Variants in WDR64 observed in about 807,000 individuals in gnomAD.
WDR64 encodes the protein WD repeat domain 64.
A neutral mutation model predicts 139.3 loss-of-function variants in WDR64; 112 were observed. The ratio of observed to expected loss-of-function variants is 0.80; its 90% CI spans 0.69 to 0.94. The LOEUF (loss-of-function observed/expected upper bound fraction) is 0.94. Among genes scored for constraint, WDR64 ranks in the 40% least tolerant of loss-of-function variants. The pLI is 0.00. For synonymous variants in WDR64, 444 were observed against 437.7 expected, an observed-to-expected ratio of 1.01 and a Z score of -0.18; for missense variants, 1,206 against 1,293.1, an observed-to-expected ratio of 0.93 and a Z score of 1.03.
chr1:241,747,571 T>C (rs1300203269), intron 13 of WDR64, among the ~76,000 whole-genome samples: 2 of 152,194 alleles, frequency 1.3e-5, no homozygotes, highest in East Asian at 3.8e-4. Context: ...TCAAATGTCG[T>C]GTATCAGATT....
intron 25 of WDR64, among the ~76,000 whole-genome samples, chr1:241,794,325 T>C (rs1215749837): frequency 6.6e-6 from 1 of 152,110 alleles, no homozygotes; most frequent in Non-Finnish European, 1.5e-5. Context: ...ACTAAAATAG[T>C]ACAACCTAGA....
At chr1:241,755,955 G>T (rs2148274184) in intron 14 of WDR64, among the ~76,000 whole-genome samples, 1 of 152,276 alleles carries the variant, frequency 6.6e-6, no homozygotes, top group Non-Finnish European at 1.5e-5. Flanking sequence ...TGCTGTTTTA[G>T]TTACTGTAGC....
At chr1:241,726,461 G>A (rs1240770134) in intron 10 of WDR64, among the ~76,000 whole-genome samples, 1 of 151,962 alleles carries the variant, frequency 6.6e-6, no homozygotes, top group East Asian at 1.9e-4. Context: ...AAAACTCACA[G>A]AACCTTACAC....
At chr1:241,790,792 T>C in intron 25 of WDR64, 96 bp downstream of exon 25, 2 of 886,452 alleles carry the variant, frequency 2.3e-6, no homozygotes, top group Non-Finnish European at 3.4e-6. Context: ...ATATAACATA[T>C]TAATTTTTTA....
At chr1:241,751,522 C>A (rs1025992663) in intron 14 of WDR64, among the ~76,000 whole-genome samples, 1 of 152,180 alleles carries the variant, frequency 6.6e-6, no homozygotes, top group Non-Finnish European at 1.5e-5. Context: ...AAGCCAAAAC[C>A]TGCTTCAGTG....
intron 6 of WDR64, among the ~76,000 whole-genome samples, chr1:241,680,468 T>A (rs1033116377): frequency 4.6e-5 from 7 of 152,188 alleles, no homozygotes; most frequent in Admixed American, 4.6e-4. Flanking sequence ...AACTCCAAGA[T>A]CCTGAACTTT....
At chr1:241,784,305 A>T (rs1275927547) in intron 23 of WDR64, among the ~76,000 whole-genome samples, 2 of 152,196 alleles carry the variant, frequency 1.3e-5, no homozygotes, top group Admixed American at 6.5e-5. Context: ...GCAGGGCAGC[A>T]AAAGTGGGAG....
chr1:241,769,562 T>C, intron 17 of WDR64, 57 bp downstream of exon 17: 1 of 1,419,556 alleles, frequency 7.0e-7, no homozygotes, highest in Non-Finnish European at 9.7e-7. Context: ...GGCTGATACA[T>C]TAGGTTGATG....
chr1:241,663,347 T>C (rs1189420955), intron 2 of WDR64, among the ~76,000 whole-genome samples: 1 of 152,176 alleles, frequency 6.6e-6, no homozygotes, highest in Non-Finnish European at 1.5e-5. Context: ...CCATCTTACA[T>C]CATGAGGGGC....
intron 15 of WDR64, among the ~76,000 whole-genome samples, chr1:241,764,448 T>C (rs536755263): frequency 1.1e-4 from 16 of 152,058 alleles, no homozygotes; most frequent in African/African-American, 3.9e-4. Context: ...AGGCCAGGAG[T>C]TCGAGGCCAG....
At chr1:241,738,244 A>G in intron 10 of WDR64, 119 bp from the exon 11 acceptor site, 1 of 1,255,146 alleles carries the variant, frequency 8.0e-7, no homozygotes, top group Non-Finnish European at 1.1e-6. Context: ...TTATCATATA[A>G]GTAATACTTT....
In WDR64 at chr1:241,741,597, T is replaced by C; in HGVS notation, c.1403T>C (p.Ile468Thr). 1 of 1,613,596 alleles carries C rather than the reference T, an allele frequency of 6.2e-7. No homozygotes were observed. The highest frequency in any genetic ancestry group is 8.5e-7 in the Non-Finnish European group (1 of 1,179,884). Residue 468 changes from isoleucine to threonine, a missense_variant, in exon 12 of 28, where the codon ATC (isoleucine) becomes ACC (threonine). Physicochemically the swap from Ile to Thr is moderately conservative, Grantham distance 89. Transcript: ENST00000437684. Reference sequence around the variant, plus strand: ...GTTCCTCACACTCATGAACGAGAAATCAATGTCATGCTTTACAACAAATAT... The same window carrying C: ...GTTCCTCACACTCATGAACGAGAAACCAATGTCATGCTTTACAACAAATAT... ...KQVPHTHERE[I>T]NVMLYNKYFH... is the part of the protein sequence containing the mutation.
At chr1:241,705,562 T>TA (rs370613376) in intron 8 of WDR64, among the ~76,000 whole-genome samples, 21,768 of 111,816 alleles carry the variant, frequency 0.19, 1,656 homozygotes, top group African/African-American at 0.22. Flanking sequence ...AATAAATAAA[T>TA]AATAATAATA....
chr1:241,709,313 A>C (rs1668076766), intron 8 of WDR64, among the ~76,000 whole-genome samples: 2 of 152,204 alleles, frequency 1.3e-5, no homozygotes, highest in African/African-American at 4.8e-5. Flanking sequence ...ATTGAGAAAT[A>C]TGAAAGTTCA....
chr1:241,796,299 G>T lies in WDR64; in HGVS notation c.3121G>T (p.Val1041Leu). ...TSLRFLPLIGVEAQKDSSDGI... is the reference protein window; with the variant it reads ...TSLRFLPLIGLEAQKDSSDGI... ...TCTAAGATTTCTTCCACTGATTGGC[G>T]TAGAAGCCCAAAAGGACTCTTCAGA... The change falls in exon 27 of 28, where the codon GTA (valine) becomes TTA (leucine). Residue 1041 changes from valine (V) to leucine (L), a missense_variant. Transcript: ENST00000437684. 6.2e-7 allele frequency: 1 copy of T among 1,613,554 alleles called. No homozygotes were observed. The highest frequency in any genetic ancestry group is 8.5e-7 in the Non-Finnish European group (1 of 1,179,766).
chr1:241,692,020 TAAAA>T (rs1163472416), intron 8 of WDR64, among the ~76,000 whole-genome samples: 1 of 121,166 alleles, frequency 8.3e-6, no homozygotes, highest in Non-Finnish European at 1.8e-5. Context: ...CTCAAAAAAA[TAAAA>T]AAATAAAAAA....
intron 14 of WDR64, 126 bp from the exon 15 acceptor site, chr1:241,757,157 G>T: frequency 1.3e-6 from 1 of 796,124 alleles, no homozygotes. Flanking sequence ...GGAATAGATG[G>T]GGCTGAAGAT....
chr1:241,698,112 C>T (rs1667568223), intron 8 of WDR64, among the ~76,000 whole-genome samples: 1 of 152,188 alleles, frequency 6.6e-6, no homozygotes, highest in Non-Finnish European at 1.5e-5. Flanking sequence ...AATATCTGCA[C>T]TTGGATATCT....
intron 6 of WDR64, among the ~76,000 whole-genome samples, chr1:241,680,527 C>T (rs1666739189): frequency 6.6e-6 from 1 of 152,162 alleles, no homozygotes; most frequent in Non-Finnish European, 1.5e-5. Flanking sequence ...TCTTGCTTTT[C>T]AATCCCATAG....
Sources: gnomAD v4.1 joint callset for allele counts (sites outside exome capture counted in the v4.1 genomes callset) on GRCh38, gnomAD v4.1.1 for gene constraint, MANE v1.5 for transcripts, NCBI Gene and HGNC (gene_info 2026-07-23, HGNC 2026-07-21) for gene names.